The following MDGA2 variants were observed in gnomAD, a reference collection of about 807,000 sequenced individuals.
The protein encoded by MDGA2 is MAM domain containing glycosylphosphatidylinositol anchor 2.
Under a neutral mutation model 117.8 loss-of-function variants are expected in MDGA2, and 40 were observed. That is an observed-to-expected ratio of 0.34 (90% CI 0.26 to 0.44). The LOEUF (loss-of-function observed/expected upper bound fraction) is 0.44. MDGA2 is among the 20% of genes least tolerant of loss of function. The pLI, the probability that MDGA2 is intolerant of heterozygous loss-of-function variation, is 1.00. For synonymous variants in MDGA2, 452 were observed against 439.0 expected (o/e 1.03, Z -0.37); for missense variants, 1,123 against 1,250.6 (o/e 0.90, Z 1.54).
intron 1 of MDGA2, among the ~76,000 whole-genome samples, chr14:47,382,606 T>C (rs1471762106): frequency 6.6e-6 from 1 of 152,120 alleles, no homozygotes; most frequent in Non-Finnish European, 1.5e-5. Context: ...ATAAAAAATG[T>C]TCATCATCAC....
intron 1 of MDGA2, among the ~76,000 whole-genome samples, chr14:47,633,186 C>T (rs183785949): frequency 6.0e-4 from 66 of 109,614 alleles, no homozygotes; most frequent in South Asian, 2.6e-3. Context: ...TTACATGGAA[C>T]GACGATGTCT....
intron 5 of MDGA2, among the ~76,000 whole-genome samples, chr14:47,109,276 C>T (rs72678492): frequency 6.6e-6 from 1 of 152,134 alleles, no homozygotes; most frequent in East Asian, 1.9e-4. Context: ...ACCTGGAATT[C>T]TCTTCCAGTG....
At chr14:47,024,084 T>C (rs1888386444) in intron 8 of MDGA2, among the ~76,000 whole-genome samples, 1 of 152,120 alleles carries the variant, frequency 6.6e-6, no homozygotes, top group African/African-American at 2.4e-5. Context: ...AAGACAGACA[T>C]AGACAGATAG....
chr14:46,998,926 G>T (rs1887401865), intron 8 of MDGA2, among the ~76,000 whole-genome samples: 1 of 151,946 alleles, frequency 6.6e-6, no homozygotes, highest in African/African-American at 2.4e-5. Flanking sequence ...ACTACAAATT[G>T]TTCTATCATA....
intron 3 of MDGA2, among the ~76,000 whole-genome samples, chr14:47,214,565 A>G (rs1363452189): frequency 1.3e-5 from 2 of 152,150 alleles, no homozygotes; most frequent in Non-Finnish European, 2.9e-5. Context: ...TTAGAAAATT[A>G]TGTGGGAAAA....
intron 1 of MDGA2, among the ~76,000 whole-genome samples, chr14:47,363,578 A>T (rs1891171728): frequency 6.6e-6 from 1 of 152,114 alleles, no homozygotes; most frequent in Non-Finnish European, 1.5e-5. Flanking sequence ...TTATATACAC[A>T]CCAAATACTG....
chr14:47,139,841 TACACAC>T (rs1882636343), intron 4 of MDGA2, among the ~76,000 whole-genome samples: 1 of 145,106 alleles, frequency 6.9e-6, no homozygotes, highest in Admixed American at 7.0e-5. Context: ...CATATATATA[TACACAC>T]ATATATATAC....
chr14:47,260,580 A>G (rs1224022524), intron 2 of MDGA2, among the ~76,000 whole-genome samples: 1 of 152,168 alleles, frequency 6.6e-6, no homozygotes, highest in Non-Finnish European at 1.5e-5. Context: ...AGAAAAAATT[A>G]CAAAGATAAG....
chr14:47,424,932 C>T (rs529359690), intron 1 of MDGA2, among the ~76,000 whole-genome samples: 33 of 152,056 alleles, frequency 2.2e-4, no homozygotes, highest in African/African-American at 7.0e-4. Flanking sequence ...TGTGTTGGTA[C>T]GTTGCAGGAG....
chr14:47,512,134 C>T (rs987584987), intron 1 of MDGA2, among the ~76,000 whole-genome samples: 3 of 152,128 alleles, frequency 2.0e-5, no homozygotes, highest in Admixed American at 2.0e-4. Context: ...GAACACCATG[C>T]ATATCAACTG....
chr14:46,910,594 C>T (rs1883660829), intron 10 of MDGA2, among the ~76,000 whole-genome samples: 1 of 152,132 alleles, frequency 6.6e-6, no homozygotes, highest in African/African-American at 2.4e-5. Context: ...GCCCTCTCAC[C>T]ACTCTTAATT....
chr14:47,609,026 G>A (rs2138897926), intron 1 of MDGA2, among the ~76,000 whole-genome samples: 1 of 151,976 alleles, frequency 6.6e-6, no homozygotes, highest in South Asian at 2.1e-4. Flanking sequence ...GTCCAGTGAG[G>A]GAAAATCAGG....
At chr14:47,437,105 G>A (rs1321083848) in intron 1 of MDGA2, among the ~76,000 whole-genome samples, 1 of 151,758 alleles carries the variant, frequency 6.6e-6, no homozygotes, top group Non-Finnish European at 1.5e-5. Context: ...TGGTGGGGAG[G>A]GGGACAATTC....
At chr14:46,843,591 G>A (rs1880702737) in intron 16 of MDGA2, among the ~76,000 whole-genome samples, 1 of 152,004 alleles carries the variant, frequency 6.6e-6, no homozygotes, top group African/African-American at 2.4e-5. Flanking sequence ...CTAAGTTTAT[G>A]ACTTTTTAAT....
At chr14:47,281,179 A>T (rs1888476492) in intron 2 of MDGA2, among the ~76,000 whole-genome samples, 1 of 150,884 alleles carries the variant, frequency 6.6e-6, no homozygotes, top group African/African-American at 2.4e-5. Flanking sequence ...CTATTGTCTC[A>T]AAATATCTTT....
chr14:47,051,794 C>G (rs1453232835), intron 7 of MDGA2, among the ~76,000 whole-genome samples: 6 of 151,906 alleles, frequency 3.9e-5, no homozygotes, highest in Non-Finnish European at 5.9e-5. Context: ...ATCCAATCAT[C>G]ATAAATACTG....
At chr14:47,403,521 AAAT>A (rs1892198975) in intron 1 of MDGA2, among the ~76,000 whole-genome samples, 2 of 152,146 alleles carry the variant, frequency 1.3e-5, no homozygotes, top group Non-Finnish European at 1.5e-5. Context: ...TTAAACTGAC[AAAT>A]CACAGGCAAA....
At chr14:47,098,261 G>GAAAAA (rs71112482) in intron 5 of MDGA2, among the ~76,000 whole-genome samples, 1 of 89,290 alleles carries the variant, frequency 1.1e-5, no homozygotes, top group Non-Finnish European at 2.2e-5. Context: ...TGCCGTGTTT[G>GAAAAA]AAAAAAAAAA....
intron 3 of MDGA2, among the ~76,000 whole-genome samples, chr14:47,154,368 A>G (rs1883283047): frequency 6.6e-6 from 1 of 152,202 alleles, no homozygotes; most frequent in Non-Finnish European, 1.5e-5. Flanking sequence ...TGTGCACTCC[A>G]TGGAAACTGC....
Sources: allele counts gnomAD v4.1 joint callset (sites outside exome capture counted in the v4.1 genomes callset), GRCh38; gene constraint gnomAD v4.1.1; transcripts MANE v1.5; gene names NCBI Gene and HGNC (gene_info 2026-07-23, HGNC 2026-07-21).